The following RERG variants were observed in gnomAD, a reference collection of about 807,000 sequenced individuals.
RERG encodes the protein ras-related and estrogen-regulated growth inhibitor.
A neutral mutation model predicts 23.2 loss-of-function variants in RERG; 25 were observed. The observed-to-expected ratio is 1.08, with a 90% CI of 0.79 to 1.50. The LOEUF (loss-of-function observed/expected upper bound fraction) is 1.50, where lower values mean the gene tolerates loss of function less well. RERG is among the 40% of genes most tolerant of loss of function. The pLI, the probability that RERG is intolerant of heterozygous loss-of-function variation, is 0.00. For synonymous variants in RERG, 81 were observed against 89.1 expected (o/e 0.91, Z 0.51); for missense variants, 253 against 250.1 (o/e 1.01, Z -0.08).
chr12:15,125,395 C>T (rs1383866377), intron 2 of RERG, among the ~76,000 whole-genome samples: 4 of 151,950 alleles, frequency 2.6e-5, no homozygotes, highest in South Asian at 4.1e-4. Context: ...TTATAATAAA[C>T]TTACGTAGTA....
At chr12:15,207,182 C>G (rs1350733327) in intron 2 of RERG, among the ~76,000 whole-genome samples, 1 of 152,028 alleles carries the variant, frequency 6.6e-6, no homozygotes, top group Non-Finnish European at 1.5e-5. Context: ...GTGGAAAATT[C>G]TGTGATTCAA....
At chr12:15,114,495 G>C (rs577408121) in intron 3 of RERG, 2 of 152,246 alleles carry the variant, frequency 1.3e-5, no homozygotes, top group East Asian at 3.9e-4. Flanking sequence ...TGTTCTACCT[G>C]CTTACTTACC....
chr12:15,217,418 G>A lies in RERG; in HGVS notation c.61+11C>T, dbSNP rs761237221. ...ACACACACACTATAACAACCACAAC[G>A]AAAATCTTACCTGACTTGCCCACGC... On this transcript the variant is annotated intron_variant, in intron 2 of 4. Transcript: ENST00000256953. 4.3e-5 allele frequency: 69 copies of A among 1,603,458 alleles called. No individual in the cohort carries two copies. Among genetic ancestry groups the A allele is most frequent in the Non-Finnish European group, 5.4e-5 (63 of 1,170,572 alleles).
intron 2 of RERG, chr12:15,137,743 T>C: frequency 2.8e-6 from 1 of 362,578 alleles, no homozygotes; most frequent in South Asian, 2.3e-5. Flanking sequence ...TGAGCAATTA[T>C]AAATACATTG....
intron 2 of RERG, among the ~76,000 whole-genome samples, chr12:15,182,676 C>T (rs1302017679): frequency 2.0e-5 from 3 of 152,114 alleles, no homozygotes; most frequent in Non-Finnish European, 2.9e-5. Flanking sequence ...TCTAGAATGA[C>T]ATCAAAGTAA....
At chr12:15,152,391 GA>G (rs1004954036) in intron 2 of RERG, among the ~76,000 whole-genome samples, 4 of 152,140 alleles carry the variant, frequency 2.6e-5, no homozygotes, top group Admixed American at 2.6e-4. Context: ...CATATTTTCT[GA>G]AGCTATTATC....
intron 2 of RERG, among the ~76,000 whole-genome samples, chr12:15,123,146 T>C (rs1040294685): frequency 6.6e-6 from 1 of 152,194 alleles, no homozygotes; most frequent in Non-Finnish European, 1.5e-5. Flanking sequence ...AACTTAATTA[T>C]CTGCCATGAT....
chr12:15,168,399 T>C (rs910265693), intron 2 of RERG, among the ~76,000 whole-genome samples: 1 of 152,202 alleles, frequency 6.6e-6, no homozygotes, highest in Non-Finnish European at 1.5e-5. Context: ...GGAAACCCTT[T>C]GACTCCCCAG....
intron 2 of RERG, among the ~76,000 whole-genome samples, chr12:15,190,858 A>C (rs1441668507): frequency 6.6e-6 from 1 of 152,142 alleles, no homozygotes; most frequent in African/African-American, 2.4e-5. Flanking sequence ...GCCAGGCGAC[A>C]TTCAAGGTCC....
At chr12:15,175,229 G>C (rs1247401722) in intron 2 of RERG, among the ~76,000 whole-genome samples, 1 of 150,486 alleles carries the variant, frequency 6.6e-6, no homozygotes, top group Non-Finnish European at 1.5e-5. Flanking sequence ...TTCATAGTGT[G>C]TAACCACGGT....
Position 15,161,000 on chromosome 12 carries a change from C to T in RERG, c.62-39881G>A, listed in dbSNP as rs180965295. Among the ~76,000 whole-genome samples, 55 of 151,782 alleles carry T rather than the reference C, an allele frequency of 3.6e-4. 1 individual carries two copies. The highest frequency in any genetic ancestry group is 3.0e-3 in the Admixed American group (46 of 15,242). On this transcript the variant is annotated intron_variant, in intron 2 of 4. Coordinates refer to ENST00000256953, the MANE Select transcript of RERG (RefSeq NM_032918.3). Reference sequence around the variant, plus strand: ...AAATACAAAAATTACTCAGGTGTGGCGGCACATGCTTGTAGTCACAGCTAC... The same window carrying T: ...AAATACAAAAATTACTCAGGTGTGGTGGCACATGCTTGTAGTCACAGCTAC...
intron 2 of RERG, among the ~76,000 whole-genome samples, chr12:15,164,776 T>TA (rs1864663271): frequency 6.6e-6 from 1 of 152,166 alleles, no homozygotes. Context: ...CCACAAAAGG[T>TA]GTTAACTAGC....
chr12:15,177,106 C>T (rs569598194), intron 2 of RERG, among the ~76,000 whole-genome samples: 1 of 152,310 alleles, frequency 6.6e-6, no homozygotes, highest in East Asian at 1.9e-4. Context: ...TGTCAACATT[C>T]AAATAAATTT....
At chr12:15,117,675 GCACACACACACACACA>G (rs3084648) in intron 3 of RERG, among the ~76,000 whole-genome samples, 3 of 145,016 alleles carry the variant, frequency 2.1e-5, no homozygotes, top group Non-Finnish European at 4.5e-5. Context: ...TCACACACGC[GCACACACACACACACA>G]CACACACACA....
intron 2 of RERG, among the ~76,000 whole-genome samples, chr12:15,127,013 C>T (rs542764090): frequency 1.1e-4 from 16 of 152,202 alleles, no homozygotes; most frequent in African/African-American, 3.6e-4. Flanking sequence ...CCACCGCGCC[C>T]GGCCCAGATA....
chr12:15,157,198 A>G (rs1223098741), intron 2 of RERG, among the ~76,000 whole-genome samples: 1 of 152,238 alleles, frequency 6.6e-6, no homozygotes, highest in Non-Finnish European at 1.5e-5. Flanking sequence ...AGACAGGGGA[A>G]AACAGAAGAG....
At chr12:15,127,600 A>C (rs1863971386) in intron 2 of RERG, among the ~76,000 whole-genome samples, 1 of 152,228 alleles carries the variant, frequency 6.6e-6, no homozygotes, top group Non-Finnish European at 1.5e-5. Flanking sequence ...TTAAGTGGTC[A>C]AAAGACTTCA....
At position 15,217,482 on chromosome 12, in the gene RERG, T is replaced by G; in HGVS notation, c.8A>C (p.Lys3Thr). 1 of 1,612,104 alleles carries G rather than the reference T, an allele frequency of 6.2e-7. No homozygotes were observed. The highest frequency in any genetic ancestry group is 8.5e-7 in the Non-Finnish European group (1 of 1,178,120). Residue 3 changes from lysine (K) to threonine (T), a missense_variant, in exon 2 of 5, where the codon AAA (lysine) becomes ACA (threonine). By Grantham distance (78) the Lys-to-Thr change is moderately conservative (BLOSUM62 -1). Transcript: ENST00000256953. MA[K>T]SAEVKLAIFG... ...TATTGCCAGTTTGACCTCCGCACTTTTAGCCATGATGGGTGTTGGTAGACA... is the reference window on the plus strand; with the variant it reads ...TATTGCCAGTTTGACCTCCGCACTTGTAGCCATGATGGGTGTTGGTAGACA...
intron 2 of RERG, among the ~76,000 whole-genome samples, chr12:15,153,992 T>A (rs1864483573): frequency 1.3e-5 from 2 of 151,862 alleles, no homozygotes; most frequent in African/African-American, 4.8e-5. Context: ...GAGAACACCA[T>A]CTGCAAGCCA....
Sources: allele counts gnomAD v4.1 joint callset (sites outside exome capture counted in the v4.1 genomes callset), GRCh38; gene constraint gnomAD v4.1.1; transcripts MANE v1.5; gene names NCBI Gene and HGNC (gene_info 2026-07-23, HGNC 2026-07-21).